The following LAMB1 variants were observed in gnomAD, a reference collection of about 807,000 sequenced individuals.
LAMB1 encodes laminin subunit beta 1.
LAMB1 carries 121 observed loss-of-function variants against 222.3 expected under a neutral mutation model. That is an observed-to-expected ratio of 0.54 (90% CI 0.47 to 0.63). The LOEUF is 0.63. Ranked by LOEUF, LAMB1 falls within the 30% of genes least tolerant of loss-of-function variation. LAMB1 has a pLI of 0.00. For missense variants in LAMB1, 2,172 were observed against 2,240.8 expected, an observed-to-expected ratio of 0.97 and a Z score of 0.62; for synonymous variants, 794 against 807.2, an observed-to-expected ratio of 0.98 and a Z score of 0.28.
Position 107,940,001 on chromosome 7 carries a change from A to G in LAMB1, c.3749T>C (p.Phe1250Ser). Residue 1250 changes from phenylalanine to serine, a missense_variant, in exon 25 of 34, where the codon TTT becomes TCT. Phe to Ser is a radical substitution (Grantham distance 155). Transcript: ENST00000222399. ...AEPLKNIGNL[F>S]EEAEKLIKDV... is the part of the protein sequence containing the mutation. ...ATTAACTACTTACTCTGCTTCCTCA[A>G]AGAGATTCCCAATGTTTTTCAGTGG... 6.2e-6 allele frequency: 10 copies of G among 1,613,492 alleles called. No homozygotes were observed. The highest frequency in any genetic ancestry group is 8.5e-6 in the Non-Finnish European group (10 of 1,179,586).
chr7:107,963,618 C>G (rs2033560144), intron 14 of LAMB1, among the ~76,000 whole-genome samples: 1 of 152,172 alleles, frequency 6.6e-6, no homozygotes, highest in East Asian at 1.9e-4. Context: ...CTTTCATTCC[C>G]TGTATGTATC....
intron 5 of LAMB1, among the ~76,000 whole-genome samples, chr7:107,987,823 A>G (rs2034108037): frequency 6.6e-6 from 1 of 152,198 alleles, no homozygotes; most frequent in Non-Finnish European, 1.5e-5. Context: ...TTAAAAGGGC[A>G]ACAAGGTGTT....
intron 24 of LAMB1, among the ~76,000 whole-genome samples, chr7:107,941,595 T>G (rs545547753): frequency 6.6e-6 from 1 of 151,668 alleles, no homozygotes; most frequent in East Asian, 1.9e-4. Flanking sequence ...TAAAAGAAAA[T>G]AATCCTCCTG....
intron 24 of LAMB1, among the ~76,000 whole-genome samples, chr7:107,944,597 C>T (rs2116369732): frequency 6.6e-6 from 1 of 152,310 alleles, no homozygotes; most frequent in South Asian, 2.1e-4. Context: ...GCTGAAGCCC[C>T]TGGTCATGTG....
chr7:107,953,649 G>A lies in LAMB1; in HGVS notation c.2960C>T (p.Pro987Leu), dbSNP rs141833232. The change falls in exon 22 of 34, where the codon CCA becomes CTA. Residue 987 changes from proline (P) to leucine (L), a missense_variant. Pro to Leu is a moderately conservative substitution (Grantham distance 98, BLOSUM62 -3). Coordinates refer to ENST00000222399, the MANE Select transcript of LAMB1 (RefSeq NM_002291.3). ...CCCAGTCTCCTTGTCACAGGCTTCT[G>A]GGTCTGTCGTGTCAATGTTGTTGTG... ...QCHNNIDTTD[P>L]EACDKETGRC... 1.4e-5 allele frequency: 22 copies of A among 1,614,020 alleles called. No homozygotes were observed. In the South Asian group the frequency reaches 2.1e-4, roughly 15 times the overall value.
chr7:107,969,697 T>G (rs1222726063), intron 13 of LAMB1, among the ~76,000 whole-genome samples: 1 of 152,246 alleles, frequency 6.6e-6, no homozygotes, highest in Non-Finnish European at 1.5e-5. Flanking sequence ...ACACCCAGGC[T>G]GTAGAGTATA....
chr7:108,002,529 C>T, intron 2 of LAMB1: 2 of 1,038,910 alleles, frequency 1.9e-6, no homozygotes, highest in Non-Finnish European at 2.6e-6. Flanking sequence ...ACCGCCAACC[C>T]CAGGGAACCT....
rs2032665352 is a variant in LAMB1 at position 107,929,948 on chromosome 7, A to T, written c.4538-329T>A. 1.1e-5 allele frequency: 4 copies of T among 347,852 alleles called. No homozygotes were observed. The East Asian group carries it at 2.7e-4, about 24-fold the overall frequency. 21.5% of individuals were successfully genotyped at this position (347,852 alleles called of 1,614,324 possible). On this transcript the variant is annotated intron_variant, in intron 29 of 33. Coordinates refer to ENST00000222399, the MANE Select transcript of LAMB1 (RefSeq NM_002291.3). ...AGAAAGGACAATTCCAGATGGGGAGACAGGAACGGCAGAGTATGTTACGGG... is the reference window on the plus strand; with the variant it reads ...AGAAAGGACAATTCCAGATGGGGAGTCAGGAACGGCAGAGTATGTTACGGG...
At chr7:107,944,476 A>G (rs1485860175) in intron 24 of LAMB1, among the ~76,000 whole-genome samples, 1 of 152,162 alleles carries the variant, frequency 6.6e-6, no homozygotes, top group Non-Finnish European at 1.5e-5. Flanking sequence ...AAAGTAAACC[A>G]TCAAATCTCA....
Position 107,940,382 on chromosome 7 carries a change from G to C in LAMB1, c.3392-24C>G, listed in dbSNP as rs772775112. ...GGCTAGAAGGGAATAAGCAATGCTA[G>C]CTGATCTACTTAATCATGAACCTCA... is the stretch of plus-strand genomic sequence containing the variant. On this transcript the variant is annotated intron_variant, in intron 24 of 33. Coordinates refer to ENST00000222399, the MANE Select transcript of LAMB1 (RefSeq NM_002291.3). The C allele has an allele frequency of 8.1e-6, 13 of 1,597,026 alleles. No homozygotes were observed. The East Asian group carries it at 2.2e-4, about 28-fold the overall frequency.
At chr7:107,967,339 C>T (rs2033656154) in intron 13 of LAMB1, among the ~76,000 whole-genome samples, 1 of 152,210 alleles carries the variant, frequency 6.6e-6, no homozygotes, top group Non-Finnish European at 1.5e-5. Flanking sequence ...TCACCCCATA[C>T]CTGTTACTCT....
At chr7:107,968,691 A>G (rs2033681816) in intron 13 of LAMB1, among the ~76,000 whole-genome samples, 1 of 152,184 alleles carries the variant, frequency 6.6e-6, no homozygotes, top group South Asian at 2.1e-4. Flanking sequence ...GGACAAGAAT[A>G]GCCCTTAGAT....
At chr7:107,930,631 A>G (rs977007870) in intron 29 of LAMB1, among the ~76,000 whole-genome samples, 1 of 152,204 alleles carries the variant, frequency 6.6e-6, no homozygotes, top group Non-Finnish European at 1.5e-5. Flanking sequence ...TGACTGCTTA[A>G]AGGCTTCTAG....
intron 5 of LAMB1, among the ~76,000 whole-genome samples, chr7:107,990,083 G>A (rs1359902142): frequency 2.0e-5 from 3 of 151,616 alleles, no homozygotes; most frequent in Non-Finnish European, 4.4e-5. Flanking sequence ...CTGTTGCCCA[G>A]GCTGGAGTGC....
At chr7:107,948,234 G>A (rs946005744) in intron 24 of LAMB1, among the ~76,000 whole-genome samples, 1 of 152,126 alleles carries the variant, frequency 6.6e-6, no homozygotes, top group Non-Finnish European at 1.5e-5. Flanking sequence ...TGATCCGCCC[G>A]CCTTGGCCTC....
At chr7:108,001,512 G>C in intron 3 of LAMB1, 46 bp downstream of exon 3, 1 of 1,528,312 alleles carries the variant, frequency 6.5e-7, no homozygotes, top group South Asian at 1.3e-5. Flanking sequence ...AGGTCTGGAC[G>C]GGAGGAGGCG....
chr7:107,986,250 A>T lies in LAMB1; in HGVS notation c.537T>A (p.Thr179=). The change falls in exon 6 of 34, where the codon ACT becomes ACA. Residue 179 remains threonine, a synonymous_variant. Transcript: ENST00000222399. The stretch of plus-strand genomic sequence containing the variant: ...TGTCATCGACTTTTTTCATGGGGCC[A>T]GTTGAAATGCCTGGAAACGAGGCCT... ...DCEASFPGIS[T]GPMKKVDDII... 6.2e-7 allele frequency: 1 copy of T among 1,614,164 alleles called. No individual in the cohort carries two copies. Among genetic ancestry groups the T allele is most frequent in the Non-Finnish European group, 8.5e-7 (1 of 1,180,014 alleles).
chr7:107,965,097 C>T (rs1258493583), intron 13 of LAMB1, among the ~76,000 whole-genome samples: 1 of 152,178 alleles, frequency 6.6e-6, no homozygotes, highest in East Asian at 1.9e-4. Context: ...AGACAGAAGC[C>T]CTCAATCCCT....
chr7:108,002,445 C>T, intron 2 of LAMB1: 2 of 1,301,594 alleles, frequency 1.5e-6, no homozygotes, highest in Admixed American at 2.7e-5. Flanking sequence ...CCCATCTGTT[C>T]CCAGAATGAA....
Sources: gnomAD v4.1 joint callset for allele counts (sites outside exome capture counted in the v4.1 genomes callset) on GRCh38, gnomAD v4.1.1 for gene constraint, MANE v1.5 for transcripts, NCBI Gene and HGNC (gene_info 2026-07-23, HGNC 2026-07-21) for gene names.